MAPRE2: variants seen among roughly 807,000 people sequenced by gnomAD.
MAPRE2 encodes microtubule associated protein RP/EB family member 2, also known as microtubule-associated protein RP/EB family member 2.
MAPRE2 carries 13 observed loss-of-function variants against 43.2 expected under a neutral mutation model. The ratio of observed to expected loss-of-function variants is 0.30; its 90% CI spans 0.20 to 0.48. The LOEUF (loss-of-function observed/expected upper bound fraction) is 0.48, where lower values mean the gene tolerates loss of function less well. Ranked by LOEUF, MAPRE2 falls within the 20% of genes least tolerant of loss-of-function variation. MAPRE2 has a pLI of 0.99. For synonymous variants in MAPRE2, 135 were observed against 148.8 expected (o/e 0.91, Z 0.68); for missense variants, 161 against 400.2 (o/e 0.40, Z 5.10).
At chr18:35,090,032 A>G (rs975125044) in intron 2 of MAPRE2, among the ~76,000 whole-genome samples, 2 of 152,226 alleles carry the variant, frequency 1.3e-5, no homozygotes, top group African/African-American at 4.8e-5. Context: ...GAAACCAGAC[A>G]CAAAGGCCAC....
chr18:35,098,435 T>A (rs1395332032), intron 3 of MAPRE2, among the ~76,000 whole-genome samples: 2 of 152,160 alleles, frequency 1.3e-5, no homozygotes, highest in African/African-American at 2.4e-5. Flanking sequence ...AAGACAGAGA[T>A]TAAAGGAAAG....
chr18:35,078,588 G>A (rs1907483469), intron 2 of MAPRE2, among the ~76,000 whole-genome samples: 1 of 152,152 alleles, frequency 6.6e-6, no homozygotes, highest in Non-Finnish European at 1.5e-5. Flanking sequence ...GAATTGAGGT[G>A]TCCTTGGATC....
At chr18:35,027,940 C>T (rs541087201) in intron 2 of MAPRE2, among the ~76,000 whole-genome samples, 2 of 152,280 alleles carry the variant, frequency 1.3e-5, no homozygotes, top group Admixed American at 1.3e-4. Flanking sequence ...GTGTCCCACC[C>T]TCTGGGCCTC....
At chr18:35,119,813 T>G (rs1569011178) in intron 4 of MAPRE2, among the ~76,000 whole-genome samples, 1 of 152,264 alleles carries the variant, frequency 6.6e-6, no homozygotes. Context: ...AAAAATGTTC[T>G]TTAAATAAAA....
chr18:34,984,725 C>A (rs910687542), intron 1 of MAPRE2, among the ~76,000 whole-genome samples: 1 of 142,222 alleles, frequency 7.0e-6, no homozygotes, highest in Non-Finnish European at 1.5e-5. Flanking sequence ...AATCTACATT[C>A]ACATTTTAAT....
chr18:35,043,424 A>G (rs751242579), intron 1 of MAPRE2, among the ~76,000 whole-genome samples: 1 of 152,206 alleles, frequency 6.6e-6, no homozygotes, highest in Non-Finnish European at 1.5e-5. Context: ...ACTCATGTAA[A>G]CTAACTTGAA....
chr18:35,024,425 GCC>G, intron 2 of MAPRE2, among the ~76,000 whole-genome samples: 1 of 152,304 alleles, frequency 6.6e-6, no homozygotes, highest in Non-Finnish European at 1.5e-5. Context: ...GTTGCTGAAA[GCC>G]TTTTGACTAT....
At chr18:35,058,939 G>T (rs1392974732) in intron 1 of MAPRE2, among the ~76,000 whole-genome samples, 1 of 152,126 alleles carries the variant, frequency 6.6e-6, no homozygotes, top group African/African-American at 2.4e-5. Flanking sequence ...TCCCTGCTTT[G>T]CCACTTAATA....
intron 1 of MAPRE2, among the ~76,000 whole-genome samples, chr18:35,050,486 G>T (rs1905880392): frequency 6.6e-6 from 1 of 152,204 alleles, no homozygotes. Flanking sequence ...ATTTTCTCCA[G>T]AGTACATTGA....
At chr18:35,095,523 G>GTTTT (rs59656363) in intron 2 of MAPRE2, among the ~76,000 whole-genome samples, 16 of 134,232 alleles carry the variant, frequency 1.2e-4, no homozygotes, top group African/African-American at 4.1e-4. Context: ...ATGGAAGAGG[G>GTTTT]TTTTTTTTTT....
chr18:35,102,181 G>C, intron 4 of MAPRE2, 22 bp downstream of exon 4: 1 of 1,536,350 alleles, frequency 6.5e-7, no homozygotes. Context: ...ATGAGATTGC[G>C]GGAGTTGCTT....
At chr18:35,029,728 C>A (rs561822136) in intron 2 of MAPRE2, among the ~76,000 whole-genome samples, 1 of 152,154 alleles carries the variant, frequency 6.6e-6, no homozygotes, top group Admixed American at 6.5e-5. Flanking sequence ...GCCCAAGGTG[C>A]CTTTTAATCC....
intron 1 of MAPRE2, among the ~76,000 whole-genome samples, chr18:34,990,590 T>G (rs994854887): frequency 6.6e-6 from 1 of 152,214 alleles, no homozygotes; most frequent in African/African-American, 2.4e-5. Context: ...ATCCTGACTC[T>G]CATCTATGAT....
intron 1 of MAPRE2, among the ~76,000 whole-genome samples, chr18:35,042,331 G>A (rs1905410468): frequency 6.6e-6 from 1 of 152,062 alleles, no homozygotes; most frequent in Non-Finnish European, 1.5e-5. Flanking sequence ...TATGGCCACC[G>A]CTTGGGTGGG....
At chr18:34,986,628 T>G (rs1453282496) in intron 1 of MAPRE2, among the ~76,000 whole-genome samples, 1 of 152,054 alleles carries the variant, frequency 6.6e-6, no homozygotes, top group African/African-American at 2.4e-5. Flanking sequence ...TAACCAAGTG[T>G]GTGATGTAGT....
At chr18:35,122,794 GCC>G (rs1225742726) in intron 4 of MAPRE2, among the ~76,000 whole-genome samples, 24 of 152,326 alleles carry the variant, frequency 1.6e-4, no homozygotes, top group Admixed American at 1.6e-3. Flanking sequence ...GGGGCCCTAG[GCC>G]ACCACCTGAC....
At chr18:35,007,181 T>G (rs2097032233) in intron 2 of MAPRE2, among the ~76,000 whole-genome samples, 1 of 152,202 alleles carries the variant, frequency 6.6e-6, no homozygotes, top group South Asian at 2.1e-4. Context: ...GATCTTGTAC[T>G]GCTAGCCCTT....
At chr18:35,008,971 C>CGT (rs35011756) in intron 2 of MAPRE2, among the ~76,000 whole-genome samples, 1 of 151,200 alleles carries the variant, frequency 6.6e-6, no homozygotes, top group Non-Finnish European at 1.5e-5. Context: ...TGTGCATGCA[C>CGT]GTGTGTGTGT....
intron 2 of MAPRE2, among the ~76,000 whole-genome samples, chr18:35,091,954 C>G (rs1304949292): frequency 6.6e-6 from 1 of 152,218 alleles, no homozygotes; most frequent in Non-Finnish European, 1.5e-5. Flanking sequence ...GGGGAGGCCT[C>G]AGCAAGCTTC....
Sources: gnomAD v4.1 joint callset for allele counts (sites outside exome capture counted in the v4.1 genomes callset) on GRCh38, gnomAD v4.1.1 for gene constraint, MANE v1.5 for transcripts, NCBI Gene and HGNC (gene_info 2026-07-23, HGNC 2026-07-21) for gene names.